ATXN7: variants seen among roughly 807,000 people sequenced by gnomAD.
ATXN7 encodes ataxin-7.
A neutral mutation model predicts 70.5 loss-of-function variants in ATXN7; 12 were observed. The observed-to-expected ratio is 0.17, with a 90% CI of 0.11 to 0.28. ATXN7 has a LOEUF of 0.28. Among genes scored for constraint, ATXN7 ranks in the 10% least tolerant of loss-of-function variants. The pLI is 1.00. For missense variants in ATXN7, 1,256 were observed against 1,131.7 expected (o/e 1.11, Z -1.58); for synonymous variants, 498 against 448.7 (o/e 1.11, Z -1.39).
In ATXN7 at chr3:63,912,737, C is replaced by G; in HGVS notation, c.139C>G (p.Arg47Gly). 7.8e-7 allele frequency: 1 copy of G among 1,275,170 alleles called. No individual in the cohort carries two copies. 79.0% of individuals were successfully genotyped at this position (1,275,170 alleles called of 1,614,324 possible). ...GCAGCCGCCGCCTCCGCAGCCCCAGCGGCAGCAGCACCCGCCACCGCCGCC... is the reference window on the plus strand; with the variant it reads ...GCAGCCGCCGCCTCCGCAGCCCCAGGGGCAGCAGCACCCGCCACCGCCGCC... ...QQQPPPPQPQ[R>G]QQHPPPPPRR... The change falls in exon 3 of 13, where the codon CGG (arginine) becomes GGG (glycine). Residue 47 changes from arginine (R) to glycine (G), a missense_variant. Transcript: ENST00000674280.
chr3:63,987,316 C>T (rs776572443), intron 8 of ATXN7, among the ~76,000 whole-genome samples: 2 of 152,182 alleles, frequency 1.3e-5, no homozygotes, highest in African/African-American at 4.8e-5. Context: ...TCTTTTTCCT[C>T]TGTGTATCCA....
chr3:63,942,215 G>C (rs534505421), intron 4 of ATXN7, among the ~76,000 whole-genome samples: 1 of 152,170 alleles, frequency 6.6e-6, no homozygotes, highest in Non-Finnish European at 1.5e-5. Context: ...CTGAGTAGTG[G>C]AGGAGCTCAT....
At chr3:63,939,842 A>T (rs185121259) in intron 4 of ATXN7, among the ~76,000 whole-genome samples, 11 of 152,136 alleles carry the variant, frequency 7.2e-5, no homozygotes, top group Admixed American at 6.5e-4. Context: ...AACTCCCCCA[A>T]AGCCTTATTT....
rs1704569520 is a variant in ATXN7 at position 63,923,141 on chromosome 3, C to T, written c.394+9916C>T. On this transcript the variant is annotated intron_variant, in intron 4 of 12. Transcript: ENST00000674280. ...CTTGAGAATCCTCTGACTGTTTTGC[C>T]TTAACTTCACTCATTTAGCTTTTAT... is the stretch of plus-strand genomic sequence containing the variant. Among the ~76,000 whole-genome samples the T allele has an allele frequency of 1.3e-5, 2 of 152,178 alleles. 1 individual carries two copies. Among genetic ancestry groups the T allele is most frequent in the South Asian group, 4.1e-4 (2 of 4,834 alleles).
chr3:63,910,757 T>G (rs1703983298), intron 2 of ATXN7, among the ~76,000 whole-genome samples: 1 of 152,238 alleles, frequency 6.6e-6, no homozygotes, highest in African/African-American at 2.4e-5. Context: ...GTTTCACTTT[T>G]TGGACTTGTT....
At chr3:63,911,112 A>G (rs1704000288) in intron 2 of ATXN7, among the ~76,000 whole-genome samples, 1 of 152,166 alleles carries the variant, frequency 6.6e-6, no homozygotes, top group African/African-American at 2.4e-5. Flanking sequence ...GACACACATT[A>G]CAGGAGTTGA....
At chr3:63,888,816 C>A (rs1703171420) in intron 1 of ATXN7, among the ~76,000 whole-genome samples, 1 of 152,018 alleles carries the variant, frequency 6.6e-6, no homozygotes, top group Non-Finnish European at 1.5e-5. Flanking sequence ...TTGTGCTACC[C>A]CTTTATAGCC....
intron 4 of ATXN7, among the ~76,000 whole-genome samples, chr3:63,932,623 C>T (rs1440883462): frequency 6.6e-6 from 1 of 152,230 alleles, no homozygotes; most frequent in Non-Finnish European, 1.5e-5. Context: ...AAGGCCACCA[C>T]AGCCTCTAAA....
Position 63,969,632 on chromosome 3 carries a change from G to A in ATXN7, c.500-10283G>A, listed in dbSNP as rs985460372. On this transcript the variant is annotated intron_variant, in intron 5 of 12. Transcript: ENST00000674280. ...GTTTTGTTTTTTTAATTGTCTTTTAGCATTTTGGTAATAGCCCATATGTTT... is the reference window on the plus strand; with the variant it reads ...GTTTTGTTTTTTTAATTGTCTTTTAACATTTTGGTAATAGCCCATATGTTT... Among the ~76,000 whole-genome samples, 5 of 152,054 alleles carry A rather than the reference G, an allele frequency of 3.3e-5. No homozygotes were observed. In the East Asian group the frequency reaches 9.6e-4, roughly 29 times the overall value.
chr3:63,947,082 A>G (rs2074876232), intron 4 of ATXN7, among the ~76,000 whole-genome samples: 1 of 152,152 alleles, frequency 6.6e-6, no homozygotes, highest in African/African-American at 2.4e-5. Flanking sequence ...TGTGCTATAT[A>G]CTAGTTTGTG....
chr3:63,891,598 C>T (rs1000789817), intron 1 of ATXN7, among the ~76,000 whole-genome samples: 7 of 152,210 alleles, frequency 4.6e-5, no homozygotes, highest in African/African-American at 1.7e-4. Context: ...GCTGGGATTA[C>T]AGGCGTGAGC....
intron 4 of ATXN7, among the ~76,000 whole-genome samples, chr3:63,941,381 C>T (rs2074765969): frequency 6.6e-6 from 1 of 152,136 alleles, no homozygotes; most frequent in African/African-American, 2.4e-5. Flanking sequence ...TCAGCGGTGG[C>T]ATTAGATTCT....
chr3:63,916,894 C>T (rs1291306145), intron 4 of ATXN7, among the ~76,000 whole-genome samples: 1 of 151,944 alleles, frequency 6.6e-6, no homozygotes, highest in Non-Finnish European at 1.5e-5. Context: ...ATTGGTAATA[C>T]ATTTTGACTT....
In ATXN7 at chr3:63,952,493, T is replaced by A. The variant is rs753052802; in HGVS notation, c.499+10T>A. 102 of 1,571,656 alleles carry A rather than the reference T, an allele frequency of 6.5e-5. No individual in the cohort carries two copies. The highest frequency in any genetic ancestry group is 1.7e-4 in the South Asian group (15 of 87,106). On this transcript the variant is annotated intron_variant, in intron 5 of 12. Coordinates refer to ENST00000674280, the MANE Select transcript of ATXN7 (RefSeq NM_001377405.1). ...TTTCAATCACATTATGGTAAGTGCT[T>A]AACCATTTAAAAAATTGTTAATAGA...
chr3:63,950,034 A>G (rs564739405), intron 4 of ATXN7, among the ~76,000 whole-genome samples: 1 of 152,310 alleles, frequency 6.6e-6, no homozygotes, highest in African/African-American at 2.4e-5. Flanking sequence ...CATTATAGTC[A>G]TCATCAGTTG....
At chr3:63,882,175 G>A (rs1372608423) in intron 1 of ATXN7, among the ~76,000 whole-genome samples, 1 of 152,100 alleles carries the variant, frequency 6.6e-6, no homozygotes, top group Non-Finnish European at 1.5e-5. Flanking sequence ...TTCCTTTGGG[G>A]ACAGATTCCC....
At position 64,001,181 on chromosome 3, in the gene ATXN7, A is replaced by G. The variant is rs1438070354; in HGVS notation, c.*1714A>G. 1 of 152,178 alleles carries G rather than the reference A, an allele frequency of 6.6e-6. No individual in the cohort carries two copies. Among genetic ancestry groups the G allele is most frequent in the East Asian group, 1.9e-4 (1 of 5,190 alleles). 9.4% of individuals were successfully genotyped at this position (152,178 alleles called of 1,614,324 possible). A position where few individuals can be genotyped will look rare whatever the true frequency, so the allele number is the denominator to read the frequency against. ...ATTATTCTTATTATGTAAGAAAACA[A>G]AAACTTTATGCAGATACTTTAGCTA... On this transcript the variant is annotated 3_prime_UTR_variant, in exon 13 of 13. Transcript: ENST00000674280.
At chr3:63,997,906 A>G (rs536108817) in intron 12 of ATXN7, 2 of 985,386 alleles carry the variant, frequency 2.0e-6, no homozygotes, top group East Asian at 2.3e-4. Flanking sequence ...ATTATGGGTT[A>G]TTATATGTTG....
chr3:63,932,759 C>T (rs2107344679), intron 4 of ATXN7, among the ~76,000 whole-genome samples: 1 of 152,300 alleles, frequency 6.6e-6, no homozygotes, highest in South Asian at 2.1e-4. Context: ...TACTTCTCAT[C>T]TCTTAGATCG....
Sources: gnomAD v4.1 joint callset for allele counts (sites outside exome capture counted in the v4.1 genomes callset) on GRCh38, gnomAD v4.1.1 for gene constraint, MANE v1.5 for transcripts, NCBI Gene and HGNC (gene_info 2026-07-23, HGNC 2026-07-21) for gene names.